MICAL2: variants seen among roughly 807,000 people sequenced by gnomAD.
MICAL2 encodes the protein [F-actin]-monooxygenase MICAL2.
MICAL2 carries 77 observed loss-of-function variants against 127.3 expected under a neutral mutation model. The ratio of observed to expected loss-of-function variants is 0.60; its 90% CI spans 0.50 to 0.73. The LOEUF is 0.73. Ranked by LOEUF, MICAL2 falls within the 30% of genes least tolerant of loss-of-function variation. The probability of loss-of-function intolerance (pLI) is 0.00; values close to 1 mark genes in which losing one functional copy is unlikely to be tolerated. For synonymous variants in MICAL2, 570 were observed against 551.1 expected (o/e 1.03, Z -0.48); for missense variants, 1,351 against 1,434.4 (o/e 0.94, Z 0.94).
intron 26 of MICAL2, chr11:12,260,202 A>G: frequency 6.8e-7 from 1 of 1,469,520 alleles, no homozygotes; most frequent in South Asian, 1.4e-5. Context: ...GTGCCTTCAC[A>G]TTTCCAGGGA....
At position 12,327,099 on chromosome 11, in the gene MICAL2, T is replaced by C. The variant is rs572401217; in HGVS notation, c.5422-74T>C. On this transcript the variant is annotated intron_variant, in intron 31 of 34. Transcript: ENST00000646065. ...GAAAGGGCCTCTTTCTCCTGGAAAGTAAGTGGCAGAATCAGCCCCTCTTGG... is the reference window on the plus strand; with the variant it reads ...GAAAGGGCCTCTTTCTCCTGGAAAGCAAGTGGCAGAATCAGCCCCTCTTGG... 2.3e-6 allele frequency: 3 copies of C among 1,318,020 alleles called. No homozygotes were observed. In the South Asian group the frequency reaches 3.8e-5, roughly 17 times the overall value. The allele number at this position is 1,318,020 out of a possible 1,614,324, so 81.6% of individuals were successfully genotyped here. A position where few individuals can be genotyped will look rare whatever the true frequency, so the allele number is the denominator to read the frequency against.
chr11:12,250,770 A>C (rs1415661922), intron 22 of MICAL2, among the ~76,000 whole-genome samples: 1 of 152,206 alleles, frequency 6.6e-6, no homozygotes, highest in African/African-American at 2.4e-5. Context: ...ATCATCTTTG[A>C]CCAGATCATC....
intron 7 of MICAL2, 122 bp downstream of exon 7, chr11:12,213,532 GGA>G: frequency 1.1e-6 from 1 of 943,998 alleles, no homozygotes; most frequent in Non-Finnish European, 1.6e-6. Flanking sequence ...CTGATAGAGT[GGA>G]AGCAATGATT....
chr11:12,330,904 T>A (rs879335745), intron 32 of MICAL2, among the ~76,000 whole-genome samples: 1,893 of 99,834 alleles, frequency 0.019, 17 homozygotes, highest in South Asian at 0.033. Flanking sequence ...AGAGAGAGTG[T>A]GTGTGTGTGT....
intron 1 of MICAL2, among the ~76,000 whole-genome samples, chr11:12,114,760 T>C (rs983410631): frequency 1.3e-5 from 2 of 152,340 alleles, no homozygotes; most frequent in Non-Finnish European, 2.9e-5. Flanking sequence ...TGCTTACGTG[T>C]GGACGTTTCC....
intron 29 of MICAL2, among the ~76,000 whole-genome samples, chr11:12,308,836 A>T (rs1864141726): frequency 6.6e-6 from 1 of 152,320 alleles, no homozygotes; most frequent in Admixed American, 6.5e-5. Flanking sequence ...GTATTTCACC[A>T]TTGAGTATAA....
chr11:12,253,570 T>A (rs1285244597), intron 22 of MICAL2: 2 of 152,130 alleles, frequency 1.3e-5, no homozygotes, highest in African/African-American at 4.8e-5. Context: ...CCAAATAAAG[T>A]GGGGATGTTT....
chr11:12,183,914 G>A (rs143729128), intron 3 of MICAL2, among the ~76,000 whole-genome samples: 139 of 152,040 alleles, frequency 9.1e-4, no homozygotes, highest in Non-Finnish European at 1.6e-3. Context: ...CGAGTAGCTG[G>A]GACCACCGGT....
downstream of MICAL2, among the ~76,000 whole-genome samples, chr11:12,268,778 T>C (rs193012673): frequency 0.014 from 2,161 of 151,524 alleles, 25 homozygotes; most frequent in Middle Eastern, 0.031. Context: ...ATCAGGAGGT[T>C]AGGAGATCGA....
intron 32 of MICAL2, among the ~76,000 whole-genome samples, chr11:12,339,599 T>C (rs938299164): frequency 6.6e-6 from 1 of 152,210 alleles, no homozygotes; most frequent in Non-Finnish European, 1.5e-5. Context: ...TGGTCTTTGA[T>C]GATGGTGATG....
At position 12,305,114 on chromosome 11, in the gene MICAL2, A is replaced by T. The variant is rs1252171397; in HGVS notation, c.5212+10257A>T. ...ACCATGGATAATACTGTATTAGTGC[A>T]TTCTCACACTGCTATAAATATACTA... On this transcript the variant is annotated intron_variant, in intron 29 of 34. Transcript: ENST00000646065. Among the ~76,000 whole-genome samples the T allele has an allele frequency of 2.6e-5, 4 of 152,176 alleles. No homozygotes were observed. In the East Asian group the frequency reaches 5.8e-4, roughly 22 times the overall value.
intron 23 of MICAL2, 125 bp from the exon 24 acceptor site, chr11:12,256,660 A>T: frequency 1.2e-6 from 1 of 856,444 alleles, no homozygotes; most frequent in South Asian, 1.9e-5. Context: ...CTGCAGTGGC[A>T]GTAGCAGGAA....
At chr11:12,266,759 C>T (rs549648171), downstream of MICAL2, among the ~76,000 whole-genome samples, 2 of 152,374 alleles carry the variant, frequency 1.3e-5, no homozygotes, top group East Asian at 3.9e-4. Context: ...GCCTGGGCTC[C>T]ACCAAAGACC....
In MICAL2 at chr11:12,262,524, A is replaced by G; in HGVS notation, c.*4A>G. ...GCTACACCCACTTCTTGGCTGACAC[A>G]CTTCTGCTCTAAGGTGACTGGTTTT... On this transcript the variant is annotated 3_prime_UTR_variant, in exon 27 of 28. Transcript: ENST00000683283. The G allele has an allele frequency of 6.2e-7, 1 of 1,612,840 alleles. No homozygotes were observed. The highest frequency in any genetic ancestry group is 1.6e-4 in the Middle Eastern group (1 of 6,062).
Position 12,237,264 on chromosome 11 carries a change from C to G in MICAL2, c.2064+1019C>G, listed in dbSNP as rs575909270. Among the ~76,000 whole-genome samples, 29 of 152,298 alleles carry G rather than the reference C, an allele frequency of 1.9e-4. No homozygotes were observed. In the South Asian group the frequency reaches 5.8e-3, roughly 30 times the overall value. On this transcript the variant is annotated intron_variant, in intron 16 of 27. Coordinates refer to ENST00000683283, the MANE Select transcript of MICAL2 (RefSeq NM_001282663.2). ...ACAAACCCATTCTACCCAATGAGTT[C>G]AAAACACCCTGGGTTGAACATTTTC...
chr11:12,257,608 A>G (rs1284764569), intron 24 of MICAL2, among the ~76,000 whole-genome samples: 1 of 152,134 alleles, frequency 6.6e-6, no homozygotes, highest in Non-Finnish European at 1.5e-5. Flanking sequence ...CCTCCTAAGC[A>G]TGGAACCTTG....
chr11:12,119,938 G>A (rs1315244396), intron 1 of MICAL2, among the ~76,000 whole-genome samples: 1 of 152,236 alleles, frequency 6.6e-6, no homozygotes, highest in Admixed American at 6.5e-5. Flanking sequence ...CCAGGTCAGA[G>A]TCAGGTCTCT....
chr11:12,127,978 C>T (rs1393969396), intron 1 of MICAL2, among the ~76,000 whole-genome samples: 3 of 152,210 alleles, frequency 2.0e-5, no homozygotes, highest in African/African-American at 7.2e-5. Flanking sequence ...ATGTAGAATA[C>T]TTAGACTAGC....
chr11:12,226,028 G>T (rs1489902956), intron 13 of MICAL2, 143 bp from the exon 14 acceptor site: 2 of 727,978 alleles, frequency 2.7e-6, no homozygotes, highest in African/African-American at 1.7e-5. Flanking sequence ...GGGAGTAGGG[G>T]CTGGGGTCAC....
Sources: gnomAD v4.1 joint callset for allele counts (sites outside exome capture counted in the v4.1 genomes callset) on GRCh38, gnomAD v4.1.1 for gene constraint, MANE v1.5 for transcripts, NCBI Gene and HGNC (gene_info 2026-07-23, HGNC 2026-07-21) for gene names.